Variants in TAAR1 observed in about 807,000 individuals in gnomAD.
TAAR1 encodes the protein trace amine-associated receptor 1.
Under a neutral mutation model 1.2 loss-of-function variants are expected in TAAR1, and 1 was observed. The ratio of observed to expected loss-of-function variants is 0.81; its 90% CI spans 0.29 to 3.86. TAAR1 has a LOEUF of 3.86. TAAR1 is among the 30% of genes most tolerant of loss of function. The pLI is 0.18. For missense variants in TAAR1, 445 were observed against 405.6 expected, an observed-to-expected ratio of 1.10 and a Z score of -0.83; for synonymous variants, 153 against 132.2, an observed-to-expected ratio of 1.16 and a Z score of -1.08.
intron 1 of TAAR1, among the ~76,000 whole-genome samples, chr6:132,651,850 C>T (rs1177956470): frequency 1.3e-5 from 2 of 152,180 alleles, no homozygotes; most frequent in Admixed American, 6.5e-5. Context: ...TGCCCAGAGC[C>T]AATACTGAGA....
rs1777648993 is a variant in TAAR1, at chr6:132,645,210, C to A, written c.794G>T (p.Cys265Phe). ...CATGACTGTACAGATAAAGAAAGGG[C>A]ACCAGCATATTAGGAAAACTCCCAT... ...IVMGVFLICW[C>F]PFFICTVMDP... Residue 265 changes from cysteine to phenylalanine, a missense_variant, in exon 2 of 2, where the codon TGC (cysteine) becomes TTC (phenylalanine). Physicochemically the swap from Cys to Phe is radical, Grantham distance 205. Transcript: ENST00000275216. The A allele has an allele frequency of 1.2e-6, 2 of 1,613,500 alleles. No homozygotes were observed. The highest frequency in any genetic ancestry group is 4.5e-5 in the East Asian group (2 of 44,854).
rs756844816 is a variant in TAAR1 at position 132,643,497 on chromosome 6, A to G, written c.*1487T>C. Among the ~76,000 whole-genome samples the G allele has an allele frequency of 3.9e-5, 6 of 152,036 alleles. No homozygotes were observed. The highest frequency in any genetic ancestry group is 7.4e-5 in the Non-Finnish European group (5 of 67,930). On this transcript the variant is annotated 3_prime_UTR_variant, in exon 2 of 2. Coordinates refer to ENST00000275216, the MANE Select transcript of TAAR1 (RefSeq NM_138327.4). ...AACATAATGTTTTTAAAAGTACTAG[A>G]GCAAAAATTGATACAGATCATTGAA...
At chr6:132,654,082 G>T (rs563435984) in intron 1 of TAAR1, among the ~76,000 whole-genome samples, 54 of 152,310 alleles carry the variant, frequency 3.5e-4, no homozygotes, top group African/African-American at 1.3e-3. Flanking sequence ...CTACACCTGG[G>T]ATTGGAAACA....
intron 1 of TAAR1, among the ~76,000 whole-genome samples, chr6:132,647,622 AGGAAAGAAAGAAAG>A (rs1396156710): frequency 2.1e-4 from 21 of 98,634 alleles, no homozygotes; most frequent in African/African-American, 6.1e-4. Flanking sequence ...AGAAAGAAAA[AGGAAAGAAAGAAAG>A]AAAGAAAGAA....
At chr6:132,653,761 T>C (rs1161978013) in intron 1 of TAAR1, among the ~76,000 whole-genome samples, 1 of 152,250 alleles carries the variant, frequency 6.6e-6, no homozygotes, top group East Asian at 1.9e-4. Flanking sequence ...CGATCTCTTA[T>C]TGATCTTGGC....
chr6:132,648,455 T>C (rs1349249803), intron 1 of TAAR1, among the ~76,000 whole-genome samples: 2 of 152,240 alleles, frequency 1.3e-5, no homozygotes, highest in African/African-American at 2.4e-5. Context: ...AAACGCCATC[T>C]GGCAAATTCA....
At position 132,649,248 on chromosome 6, in the gene TAAR1, A is replaced by T. The variant is rs148979705; in HGVS notation, c.-126-3119T>A. ...TTCCATTTCCTAAAATTCTTTTTTT[A>T]AATCTGCTTCCCACTCTTTGTTCTA... On this transcript the variant is annotated intron_variant, in intron 1 of 1. Coordinates refer to ENST00000275216, the MANE Select transcript of TAAR1 (RefSeq NM_138327.4). Among the ~76,000 whole-genome samples, 391 of 152,228 alleles carry T rather than the reference A, an allele frequency of 2.6e-3. 1 individual carries two copies. Among genetic ancestry groups the T allele is most frequent in the Middle Eastern group, 6.8e-3 (2 of 294 alleles).
chr6:132,647,602 GAAAAAAGAAAGAAAGAAAAAGGA>G, intron 1 of TAAR1, among the ~76,000 whole-genome samples: 1 of 121,366 alleles, frequency 8.2e-6, no homozygotes. Flanking sequence ...GAAAGAGAAA[GAAAAAAGAAAGAAAGAAAAAGGA>G]AAGAAAGAAA....
In TAAR1 at chr6:132,657,012, T is replaced by G. The variant is rs374160893; in HGVS notation, c.-127+2118A>C. Among the ~76,000 whole-genome samples the G allele has an allele frequency of 9.2e-5, 14 of 152,226 alleles. No individual in the cohort carries two copies. The South Asian group carries it at 2.7e-3, about 29-fold the overall frequency. ...AAAAGCAACAACAATGATTAATATA[T>G]AAAGTAAGGTTTAGTTTAAATTGAA... On this transcript the variant is annotated intron_variant, in intron 1 of 1. Transcript: ENST00000275216.
intron 1 of TAAR1, among the ~76,000 whole-genome samples, chr6:132,654,681 G>C (rs909185367): frequency 6.6e-6 from 1 of 152,116 alleles, no homozygotes; most frequent in Non-Finnish European, 1.5e-5. Flanking sequence ...CAAATTACTT[G>C]CAGAGAGGTG....
Position 132,645,766 on chromosome 6 carries a change from T to C in TAAR1, c.238A>G (p.Ser80Gly), listed in dbSNP as rs753020921. The C allele has an allele frequency of 5.6e-6, 9 of 1,613,646 alleles. No individual in the cohort carries two copies. The highest frequency in any genetic ancestry group is 2.2e-5 in the East Asian group (1 of 44,868). ...FLLGCLVMPY[S>G]MVRSAEHCWY... ...CAGTGCTCAGCAGATCTCACCATAC[T>C]GTAAGGCATGACCAGACACCCCAGA... is the stretch of plus-strand genomic sequence containing the variant. The change falls in exon 2 of 2, where the codon AGT becomes GGT. Residue 80 changes from serine to glycine, a missense_variant. Ser to Gly is a moderately conservative substitution (Grantham distance 56). Coordinates refer to ENST00000275216, the MANE Select transcript of TAAR1 (RefSeq NM_138327.4).
Position 132,646,065 on chromosome 6 carries a change from T to C in TAAR1, c.-62A>G. The C allele has an allele frequency of 6.7e-7, 1 of 1,500,052 alleles. No homozygotes were observed. The highest frequency in any genetic ancestry group is 9.0e-7 in the Non-Finnish European group (1 of 1,117,068). 92.9% of individuals were successfully genotyped at this position (1,500,052 alleles called of 1,614,324 possible). A position where few individuals can be genotyped will look rare whatever the true frequency, so the allele number is the denominator to read the frequency against. On this transcript the variant is annotated 5_prime_UTR_variant, in exon 2 of 2. Transcript: ENST00000275216. ...TGTGTTGATTTATCTTTTTCCCAAA[T>C]CCATAATCAGGTTACAGTTCCTTCT...
At chr6:132,649,244 T>G (rs1453681770) in intron 1 of TAAR1, among the ~76,000 whole-genome samples, 1 of 152,182 alleles carries the variant, frequency 6.6e-6, no homozygotes, top group Admixed American at 6.6e-5. Context: ...AAAATTCTTT[T>G]TTTAAATCTG....
intron 1 of TAAR1, among the ~76,000 whole-genome samples, chr6:132,647,994 T>C (rs1208007004): frequency 6.6e-6 from 1 of 152,176 alleles, no homozygotes; most frequent in Non-Finnish European, 1.5e-5. Flanking sequence ...CAAATAAATC[T>C]GTAAGATTTA....
At chr6:132,647,438 AG>A (rs1298165649) in intron 1 of TAAR1, among the ~76,000 whole-genome samples, 3 of 147,440 alleles carry the variant, frequency 2.0e-5, no homozygotes, top group Admixed American at 6.8e-5. Flanking sequence ...TAAAGAGAAG[AG>A]GGGGGAGAGA....
chr6:132,656,689 A>G (rs563029388), intron 1 of TAAR1, among the ~76,000 whole-genome samples: 1 of 152,222 alleles, frequency 6.6e-6, no homozygotes, highest in Non-Finnish European at 1.5e-5. Context: ...AAAAGATTGT[A>G]TAAGCACCCA....
chr6:132,647,557 AAAGGAAGG>A (rs141102164), intron 1 of TAAR1, among the ~76,000 whole-genome samples: 11 of 143,998 alleles, frequency 7.6e-5, no homozygotes, highest in Non-Finnish European at 9.0e-5. Flanking sequence ...AAGAAAAAAG[AAAGGAAGG>A]AAGGAAGGAA....
chr6:132,649,896 C>CCCAAG (rs368283625), intron 1 of TAAR1, among the ~76,000 whole-genome samples: 3,329 of 152,264 alleles, frequency 0.022, 91 homozygotes, highest in East Asian at 0.11. Context: ...CAAGTCATCT[C>CCCAAG]TCTGTACTTC....
At chr6:132,651,763 C>T (rs896608242) in intron 1 of TAAR1, among the ~76,000 whole-genome samples, 3 of 152,166 alleles carry the variant, frequency 2.0e-5, no homozygotes, top group African/African-American at 7.2e-5. Flanking sequence ...CACATAAGTA[C>T]ATACATTTTC....
Sources: gnomAD v4.1 joint callset for allele counts (sites outside exome capture counted in the v4.1 genomes callset) on GRCh38, gnomAD v4.1.1 for gene constraint, MANE v1.5 for transcripts, NCBI Gene and HGNC (gene_info 2026-07-23, HGNC 2026-07-21) for gene names.